Variants in GNAO1 observed in about 807,000 individuals in gnomAD.
GNAO1 encodes guanine nucleotide-binding protein G(o) subunit alpha.
For missense variants in GNAO1, 166 were observed against 478.7 expected, an observed-to-expected ratio of 0.35 and a Z score of 6.10; for synonymous variants, 164 against 180.7, an observed-to-expected ratio of 0.91 and a Z score of 0.74.
At chr16:56,238,447 C>T (rs2036661884) in intron 2 of GNAO1, among the ~76,000 whole-genome samples, 1 of 152,250 alleles carries the variant, frequency 6.6e-6, no homozygotes, top group Non-Finnish European at 1.5e-5. Flanking sequence ...GGGACAAGCA[C>T]ATGACCACAG....
chr16:56,328,131 T>C (rs1313599598), intron 3 of GNAO1, among the ~76,000 whole-genome samples: 1 of 152,204 alleles, frequency 6.6e-6, no homozygotes, highest in Non-Finnish European at 1.5e-5. Flanking sequence ...TCTGCTCCTC[T>C]ACATAGCCCA....
At chr16:56,340,957 C>T in intron 6 of GNAO1, 2 of 1,613,742 alleles carry the variant, frequency 1.2e-6, no homozygotes, top group Admixed American at 1.7e-5. Context: ...CAAGAAGTCC[C>T]CGCTCACCAT....
At chr16:56,275,779 C>T in intron 2 of GNAO1, 152 bp from the exon 3 acceptor site, 8 of 514,728 alleles carry the variant, frequency 1.6e-5, no homozygotes, top group South Asian at 1.4e-4. Flanking sequence ...TAGCTTTTTC[C>T]TTTAGATTTT....
intron 6 of GNAO1, among the ~76,000 whole-genome samples, chr16:56,349,745 G>C (rs1245920052): frequency 1.3e-5 from 2 of 152,310 alleles, no homozygotes; most frequent in African/African-American, 4.8e-5. Flanking sequence ...CTGAGAGGCA[G>C]CTGAGAACGC....
intron 2 of GNAO1, among the ~76,000 whole-genome samples, chr16:56,274,131 T>G (rs943140906): frequency 3.3e-5 from 5 of 152,238 alleles, no homozygotes; most frequent in African/African-American, 9.6e-5. Context: ...CTGGGTTCCC[T>G]CCTGCACTGT....
intron 2 of GNAO1, among the ~76,000 whole-genome samples, chr16:56,250,409 A>G (rs1305792676): frequency 6.6e-6 from 1 of 152,210 alleles, no homozygotes; most frequent in Non-Finnish European, 1.5e-5. Flanking sequence ...TCCTCTGAGC[A>G]CTTCCACTTT....
At chr16:56,295,939 C>T (rs541630250) in intron 3 of GNAO1, among the ~76,000 whole-genome samples, 1 of 152,332 alleles carries the variant, frequency 6.6e-6, no homozygotes, top group East Asian at 1.9e-4. Flanking sequence ...TATTCTTAGC[C>T]AAACAGCAGT....
chr16:56,234,283 C>T (rs1371805081), intron 2 of GNAO1, among the ~76,000 whole-genome samples: 1 of 152,270 alleles, frequency 6.6e-6, no homozygotes. Context: ...TGCCAAAGGC[C>T]TAAGCAAACA....
chr16:56,270,234 C>G (rs2037003677), intron 2 of GNAO1: 1 of 152,374 alleles, frequency 6.6e-6, no homozygotes, highest in Non-Finnish European at 1.5e-5. Context: ...TGTCCAAAGT[C>G]AAACACTCCA....
chr16:56,292,798 T>C (rs1404473502), intron 3 of GNAO1, among the ~76,000 whole-genome samples: 2 of 152,212 alleles, frequency 1.3e-5, no homozygotes, highest in Admixed American at 6.5e-5. Context: ...CTGGAGAAAG[T>C]ATTAATACCT....
At chr16:56,337,693 C>A (rs190389796) in intron 6 of GNAO1, among the ~76,000 whole-genome samples, 2 of 152,188 alleles carry the variant, frequency 1.3e-5, no homozygotes, top group Non-Finnish European at 2.9e-5. Context: ...GTGGGTGATG[C>A]GTGTGCAGCG....
At chr16:56,344,260 A>G (rs1181409294) in intron 6 of GNAO1, 1 of 1,295,478 alleles carries the variant, frequency 7.7e-7, no homozygotes, top group Non-Finnish European at 9.8e-7. Flanking sequence ...AGATGGGCAC[A>G]CCCTGCACCT....
intron 2 of GNAO1, among the ~76,000 whole-genome samples, chr16:56,239,662 T>G (rs1260875552): frequency 6.6e-6 from 1 of 152,228 alleles, no homozygotes; most frequent in Non-Finnish European, 1.5e-5. Context: ...CATTTAATGT[T>G]TATTATTCTG....
intron 2 of GNAO1, among the ~76,000 whole-genome samples, chr16:56,196,839 C>G (rs1435100796): frequency 2.0e-4 from 30 of 152,172 alleles, no homozygotes; most frequent in Admixed American, 1.8e-3. Context: ...AAGAATTTGC[C>G]TGATGAAGAT....
At chr16:56,298,673 G>A (rs987375872) in intron 3 of GNAO1, among the ~76,000 whole-genome samples, 4 of 152,094 alleles carry the variant, frequency 2.6e-5, no homozygotes, top group African/African-American at 9.7e-5. Context: ...AGCACTTTAG[G>A]AGGCCGAAGC....
At position 56,356,501 on chromosome 16, in the gene GNAO1, A is replaced by T. The variant is rs1485547977; in HGVS notation, c.*427A>T. Reference sequence around the variant, plus strand: ...GGCTCCGGTGCGGTGCACTGGTCCGAGGAGTGTGCTCAGGCCGGGCTTTCC... The same window carrying T: ...GGCTCCGGTGCGGTGCACTGGTCCGTGGAGTGTGCTCAGGCCGGGCTTTCC... On this transcript the variant is annotated 3_prime_UTR_variant, in exon 9 of 9. Transcript: ENST00000262493. The T allele has an allele frequency of 2.0e-5, 3 of 152,392 alleles. No individual in the cohort carries two copies. The highest frequency in any genetic ancestry group is 7.2e-5 in the African/African-American group (3 of 41,448). The allele number at this position is 152,392 out of a possible 1,614,324, so 9.4% of individuals were successfully genotyped here.
chr16:56,327,781 C>G (rs1239658843), intron 3 of GNAO1, among the ~76,000 whole-genome samples: 1 of 152,110 alleles, frequency 6.6e-6, no homozygotes, highest in Non-Finnish European at 1.5e-5. Flanking sequence ...GCAAATTCAT[C>G]TACACCCACT....
At chr16:56,208,807 TTTTAAATTAGG>T (rs1415751590) in intron 2 of GNAO1, among the ~76,000 whole-genome samples, 1 of 152,234 alleles carries the variant, frequency 6.6e-6, no homozygotes, top group Non-Finnish European at 1.5e-5. Context: ...TTTTGCCACT[TTTTAAATTAGG>T]TTGTAATTTT....
At chr16:56,235,214 C>A in intron 2 of GNAO1, 1 of 424,540 alleles carries the variant, frequency 2.4e-6, no homozygotes, top group South Asian at 1.7e-5. Context: ...CATTTGACTC[C>A]CTCAAAGAGA....
Sources: gnomAD v4.1 joint callset for allele counts (sites outside exome capture counted in the v4.1 genomes callset) on GRCh38, gnomAD v4.1.1 for gene constraint, MANE v1.5 for transcripts, NCBI Gene and HGNC (gene_info 2026-07-23, HGNC 2026-07-21) for gene names.